The following ITGB2 variants were observed in gnomAD, a reference collection of about 807,000 sequenced individuals.
ITGB2 encodes integrin subunit beta 2.
ITGB2 carries 56 observed loss-of-function variants against 86.8 expected under a neutral mutation model. That is an observed-to-expected ratio of 0.65 (90% CI 0.52 to 0.81). ITGB2 has a LOEUF of 0.81. ITGB2 is among the 30% of genes least tolerant of loss of function. The pLI is 0.00. For missense variants in ITGB2, 948 were observed against 1,061.2 expected (o/e 0.89, Z 1.48); for synonymous variants, 457 against 450.4 (o/e 1.01, Z -0.19).
At chr21:44,915,315 T>C (rs923231472) in intron 1 of ITGB2, among the ~76,000 whole-genome samples, 6 of 152,124 alleles carry the variant, frequency 3.9e-5, no homozygotes, top group Admixed American at 3.3e-4. Flanking sequence ...TGAGCCACCG[T>C]GCCCAGTCTC....
At chr21:44,909,061 C>T (rs1163285817) in intron 3 of ITGB2, among the ~76,000 whole-genome samples, 4 of 152,212 alleles carry the variant, frequency 2.6e-5, no homozygotes, top group African/African-American at 7.2e-5. Context: ...GGGACCAGCA[C>T]GGCACCAATC....
chr21:44,892,064 T>C (rs1601287754), intron 10 of ITGB2, 68 bp from the exon 11 acceptor site: 1 of 1,511,656 alleles, frequency 6.6e-7, no homozygotes, highest in Non-Finnish European at 9.0e-7. Flanking sequence ...CTCCCAACCC[T>C]CACCTCCTGG....
At chr21:44,898,270 C>A (rs2146518879) in intron 8 of ITGB2, among the ~76,000 whole-genome samples, 1 of 152,328 alleles carries the variant, frequency 6.6e-6, no homozygotes, top group Non-Finnish European at 1.5e-5. Context: ...CACATCATCG[C>A]TGGGAGGATG....
chr21:44,896,150 T>C (rs1211845901), intron 8 of ITGB2, among the ~76,000 whole-genome samples: 1 of 152,220 alleles, frequency 6.6e-6, no homozygotes, highest in Non-Finnish European at 1.5e-5. Flanking sequence ...GTGTGAGTGA[T>C]CCTGCCTGGT....
chr21:44,897,259 A>G (rs2146516831), intron 8 of ITGB2, among the ~76,000 whole-genome samples: 1 of 152,340 alleles, frequency 6.6e-6, no homozygotes, highest in Admixed American at 6.5e-5. Context: ...GGATCCCTGT[A>G]GTTCAGCAAA....
At chr21:44,889,874 A>G (rs970112706) in intron 12 of ITGB2, 104 bp downstream of exon 12, 1 of 1,496,938 alleles carries the variant, frequency 6.7e-7, no homozygotes, top group Admixed American at 1.7e-5. Context: ...TGTCCTCAGG[A>G]TCCCCCCTTT....
intron 2 of ITGB2, 53 bp from the exon 3 acceptor site, chr21:44,910,425 C>T: frequency 6.2e-7 from 1 of 1,612,770 alleles, no homozygotes; most frequent in Non-Finnish European, 8.5e-7. Flanking sequence ...CCTGCCCACA[C>T]CCAAGGGGGA....
intron 1 of ITGB2, among the ~76,000 whole-genome samples, chr21:44,916,138 G>C (rs542083794): frequency 6.6e-6 from 1 of 152,234 alleles, no homozygotes; most frequent in East Asian, 1.9e-4. Context: ...GGCCAGGCTG[G>C]TCTCGAACTC....
chr21:44,913,495 G>T (rs1568904928), intron 1 of ITGB2, among the ~76,000 whole-genome samples: 1 of 152,152 alleles, frequency 6.6e-6, no homozygotes, highest in Non-Finnish European at 1.5e-5. Flanking sequence ...CACAGGAAGG[G>T]GGCTGGTGGG....
intron 14 of ITGB2, among the ~76,000 whole-genome samples, chr21:44,888,008 A>G (rs1601279432): frequency 6.6e-6 from 1 of 152,202 alleles, no homozygotes; most frequent in Non-Finnish European, 1.5e-5. Context: ...CCTGTGGAAC[A>G]TGAGACCTGA....
chr21:44,924,894 T>C (rs1170442206), upstream of ITGB2, among the ~76,000 whole-genome samples: 1 of 152,136 alleles, frequency 6.6e-6, no homozygotes, highest in African/African-American at 2.4e-5. Flanking sequence ...ACCTCGTCCC[T>C]GCAGACCCAC....
At chr21:44,900,527 G>A (rs766937842) in intron 6 of ITGB2, 52 bp from the exon 7 acceptor site, 26 of 1,607,446 alleles carry the variant, frequency 1.6e-5, no homozygotes, top group Admixed American at 6.7e-5. Flanking sequence ...TCCCAGACCC[G>A]GCCCTCTGGA....
chr21:44,889,909 G>A (rs1261261811), intron 12 of ITGB2, 69 bp downstream of exon 12: 1 of 1,598,124 alleles, frequency 6.3e-7, no homozygotes, highest in East Asian at 2.2e-5. Flanking sequence ...GAATGGTCCA[G>A]AACGCACCCC....
At chr21:44,906,360 A>G (rs1463219701) in intron 4 of ITGB2, among the ~76,000 whole-genome samples, 1 of 152,016 alleles carries the variant, frequency 6.6e-6, no homozygotes, top group Non-Finnish European at 1.5e-5. Flanking sequence ...ACCTCAAGTG[A>G]TCCACCCGCC....
intron 8 of ITGB2, among the ~76,000 whole-genome samples, chr21:44,898,213 C>T (rs8131627): frequency 0.095 from 14,399 of 152,160 alleles, 1,234 homozygotes; most frequent in African/African-American, 0.22. Flanking sequence ...CAGTAGACAC[C>T]GAGGCTCAAG....
At chr21:44,913,761 T>C (rs1053167045) in intron 1 of ITGB2, among the ~76,000 whole-genome samples, 1 of 152,158 alleles carries the variant, frequency 6.6e-6, no homozygotes, top group Non-Finnish European at 1.5e-5. Context: ...GTCCAGGGCC[T>C]CACCTGAGGC....
chr21:44,908,101 G>A (rs561699588), intron 3 of ITGB2: 65 of 721,154 alleles, frequency 9.0e-5, no homozygotes, highest in Admixed American at 2.0e-4. Context: ...TGCTCAGTCC[G>A]AGGACAGACG....
At position 44,901,753 on chromosome 21, in the gene ITGB2, G is replaced by A. The variant is rs749257943; in HGVS notation, c.500-20C>T. On this transcript the variant is annotated intron_variant, in intron 5 of 15. Transcript: ENST00000652462. ...CGAAGCCTGCAGGGCACATGGAGGG[G>A]CTGGGGAGGTGGCAGGCTGGGCCCA... 4.4e-6 allele frequency: 7 copies of A among 1,598,838 alleles called. No individual in the cohort carries two copies. Among genetic ancestry groups the A allele is most frequent in the Non-Finnish European group, 5.1e-6 (6 of 1,168,430 alleles).
Position 44,889,083 on chromosome 21 carries a change from C to T in ITGB2, c.1878-188G>A, listed in dbSNP as rs34957139. 4.2e-3 allele frequency: 2,972 copies of T among 699,308 alleles called. 97 individuals carry two copies. In the East Asian group the frequency reaches 0.072, roughly 17 times the overall value. 43.3% of individuals were successfully genotyped at this position (699,308 alleles called of 1,614,324 possible). On this transcript the variant is annotated intron_variant, in intron 13 of 15. Coordinates refer to ENST00000652462, the MANE Select transcript of ITGB2 (RefSeq NM_000211.5). ...ACTGGAAGCCTGATCCCAGGGCCCG[C>T]GGCAGGTGCGCACAGGAGGGAGGAG...
Sources: allele counts gnomAD v4.1 joint callset (sites outside exome capture counted in the v4.1 genomes callset), GRCh38; gene constraint gnomAD v4.1.1; transcripts MANE v1.5; gene names NCBI Gene and HGNC (gene_info 2026-07-23, HGNC 2026-07-21).